The following PTPRD variants were observed in gnomAD, a reference collection of about 807,000 sequenced individuals.
The protein encoded by PTPRD is protein tyrosine phosphatase receptor type D.
Under a neutral mutation model 214.5 loss-of-function variants are expected in PTPRD, and 34 were observed. That is an observed-to-expected ratio of 0.16 (90% CI 0.12 to 0.21). The LOEUF is 0.21. Ranked by LOEUF, PTPRD falls within the 10% of genes least tolerant of loss-of-function variation. The pLI, the probability that PTPRD is intolerant of heterozygous loss-of-function variation, is 1.00. For synonymous variants in PTPRD, 1,128 were observed against 845.7 expected, an observed-to-expected ratio of 1.33 and a Z score of -5.79; for missense variants, 2,545 against 2,398.7, an observed-to-expected ratio of 1.06 and a Z score of -1.27.
intron 2 of PTPRD, among the ~76,000 whole-genome samples, chr9:10,547,034 G>A (rs779948649): frequency 5.3e-5 from 8 of 152,150 alleles, no homozygotes; most frequent in Non-Finnish European, 7.4e-5. Flanking sequence ...GCCTCACCAA[G>A]ACTCCAATAT....
intron 7 of PTPRD, among the ~76,000 whole-genome samples, chr9:9,728,478 C>G (rs2098130904): frequency 6.6e-6 from 1 of 152,012 alleles, no homozygotes; most frequent in Admixed American, 6.6e-5. Flanking sequence ...TGCTAGTTGG[C>G]ATGTTGGTGG....
At chr9:9,308,544 C>T (rs1957861704) in intron 9 of PTPRD, among the ~76,000 whole-genome samples, 1 of 152,120 alleles carries the variant, frequency 6.6e-6, no homozygotes. Context: ...TGTGATTCTT[C>T]ATCTGCTCTC....
intron 25 of PTPRD, among the ~76,000 whole-genome samples, chr9:8,497,587 T>C (rs1335916336): frequency 6.6e-6 from 1 of 152,232 alleles, no homozygotes; most frequent in Non-Finnish European, 1.5e-5. Flanking sequence ...TTGACTTCTA[T>C]CTTAAGTTAC....
intron 11 of PTPRD, among the ~76,000 whole-genome samples, chr9:8,822,039 A>C (rs1229625356): frequency 6.6e-6 from 1 of 152,184 alleles, no homozygotes; most frequent in Non-Finnish European, 1.5e-5. Context: ...TGTTGCCACC[A>C]CTTTGGCAAA....
At chr9:8,902,429 G>C (rs113815676) in intron 11 of PTPRD, among the ~76,000 whole-genome samples, 17 of 149,022 alleles carry the variant, frequency 1.1e-4, no homozygotes, top group African/African-American at 4.2e-4. Flanking sequence ...TGTAACCTCC[G>C]CCTCCTGGGT....
chr9:9,260,544 T>A (rs2099979657), intron 9 of PTPRD, among the ~76,000 whole-genome samples: 1 of 151,862 alleles, frequency 6.6e-6, no homozygotes, highest in Non-Finnish European at 1.5e-5. Flanking sequence ...TATCACCTTT[T>A]TTCATTCCCT....
intron 11 of PTPRD, among the ~76,000 whole-genome samples, chr9:8,846,435 G>C (rs938071101): frequency 6.6e-6 from 1 of 152,124 alleles, no homozygotes; most frequent in Non-Finnish European, 1.5e-5. Context: ...TAATAAAACA[G>C]AGTAAAAATA....
At position 8,627,576 on chromosome 9, in the gene PTPRD, A is replaced by G. The variant is rs139972930; in HGVS notation, c.352+5741T>C. 2.3e-3 allele frequency among the ~76,000 whole-genome samples: 343 copies of G among 152,052 alleles called. 1 individual carries two copies. Among genetic ancestry groups the G allele is most frequent in the African/African-American group, 7.6e-3 (317 of 41,532 alleles). ...TCTCACTTCAATGCAATGATTTACA[A>G]GTGTGCTCATTTTTTCTGAGCCCTT... On this transcript the variant is annotated intron_variant, in intron 14 of 45. Coordinates refer to ENST00000381196, the MANE Select transcript of PTPRD (RefSeq NM_002839.4).
intron 35 of PTPRD, among the ~76,000 whole-genome samples, chr9:8,427,680 G>A (rs11794482): frequency 1.3e-5 from 2 of 150,454 alleles, no homozygotes; most frequent in South Asian, 2.1e-4. Context: ...TTATTGTTAT[G>A]ATTATTATTA....
At chr9:8,530,508 C>A (rs1363255980) in intron 14 of PTPRD, among the ~76,000 whole-genome samples, 3 of 152,086 alleles carry the variant, frequency 2.0e-5, no homozygotes, top group Non-Finnish European at 4.4e-5. Context: ...CTACTCAAAT[C>A]CACTGTCTTG....
intron 27 of PTPRD, among the ~76,000 whole-genome samples, chr9:8,489,849 A>G (rs1309117925): frequency 6.6e-6 from 1 of 152,248 alleles, no homozygotes; most frequent in Non-Finnish European, 1.5e-5. Flanking sequence ...ATAGGTATCA[A>G]ACATTTACCA....
At chr9:10,493,156 G>C (rs1304650101) in intron 2 of PTPRD, among the ~76,000 whole-genome samples, 1 of 152,022 alleles carries the variant, frequency 6.6e-6, no homozygotes, top group African/African-American at 2.4e-5. Flanking sequence ...TCAATATCGT[G>C]AAAATGGGCA....
intron 11 of PTPRD, among the ~76,000 whole-genome samples, chr9:8,740,996 T>C (rs936325943): frequency 6.6e-6 from 1 of 152,182 alleles, no homozygotes; most frequent in African/African-American, 2.4e-5. Context: ...AAAAAGTCAA[T>C]AGCTATTATT....
At chr9:10,055,596 G>A (rs189068370) in intron 3 of PTPRD, among the ~76,000 whole-genome samples, 3 of 152,058 alleles carry the variant, frequency 2.0e-5, no homozygotes, top group Admixed American at 6.6e-5. Flanking sequence ...TATGATATAT[G>A]GGGGCAATTA....
At chr9:9,105,830 A>G (rs1413615629) in intron 10 of PTPRD, among the ~76,000 whole-genome samples, 1 of 152,042 alleles carries the variant, frequency 6.6e-6, no homozygotes, top group Non-Finnish European at 1.5e-5. Context: ...GAACTTTTAT[A>G]TTTCTGACTT....
intron 39 of PTPRD, among the ~76,000 whole-genome samples, chr9:8,349,933 G>T (rs867672838): frequency 2.1e-5 from 3 of 145,144 alleles, no homozygotes; most frequent in African/African-American, 2.5e-5. Flanking sequence ...AACTTTAGTG[G>T]TTTTTTTTTT....
chr9:8,974,787 A>G (rs1031657504), intron 11 of PTPRD, among the ~76,000 whole-genome samples: 2 of 152,064 alleles, frequency 1.3e-5, no homozygotes, highest in African/African-American at 4.8e-5. Flanking sequence ...ATACATTAAC[A>G]TACCCTATGC....
chr9:9,882,867 G>T (rs1238385359), intron 5 of PTPRD, among the ~76,000 whole-genome samples: 2 of 152,156 alleles, frequency 1.3e-5, no homozygotes, highest in Non-Finnish European at 2.9e-5. Flanking sequence ...AATCCCCTGT[G>T]AATGGCTTAG....
At chr9:10,521,302 GAAATGGATCCCGA>G (rs1265855710) in intron 2 of PTPRD, among the ~76,000 whole-genome samples, 1 of 152,098 alleles carries the variant, frequency 6.6e-6, no homozygotes, top group Non-Finnish European at 1.5e-5. Context: ...ACTAGAATTA[GAAATGGATCCCGA>G]ATATGTGACT....
Sources: allele counts gnomAD v4.1 joint callset (sites outside exome capture counted in the v4.1 genomes callset), GRCh38; gene constraint gnomAD v4.1.1; transcripts MANE v1.5; gene names NCBI Gene and HGNC (gene_info 2026-07-23, HGNC 2026-07-21).